LAPTM5: variants seen among roughly 807,000 people sequenced by gnomAD.
LAPTM5 encodes lysosomal-associated transmembrane protein 5.
Under a neutral mutation model 30.1 loss-of-function variants are expected in LAPTM5, and 11 were observed. The observed-to-expected ratio is 0.37, with a 90% CI of 0.23 to 0.60. LAPTM5 has a LOEUF of 0.60. Ranked by LOEUF, LAPTM5 falls within the 20% of genes least tolerant of loss-of-function variation. LAPTM5 has a pLI of 0.71. For missense variants in LAPTM5, 324 were observed against 332.5 expected (o/e 0.97, Z 0.20); for synonymous variants, 151 against 137.9 (o/e 1.10, Z -0.67).
chr1:30,747,687 G>T (rs957379761), intron 1 of LAPTM5, among the ~76,000 whole-genome samples: 1 of 152,182 alleles, frequency 6.6e-6, no homozygotes, highest in African/African-American at 2.4e-5. Context: ...AAGAATGGGG[G>T]CAGGGGCTGG....
Position 30,733,677 on chromosome 1 carries a change from GAGGAGC to G in LAPTM5, c.*145_*150del, listed in dbSNP as rs1447099461. On this transcript the variant is annotated 3_prime_UTR_variant, in exon 8 of 8. Coordinates refer to ENST00000294507, the MANE Select transcript of LAPTM5 (RefSeq NM_006762.3). ...TGTGAGCAGCTCACAGGCCCTGCAG[GAGGAGC>G]AGGCCAGCGAGGGAGACACAAGCAG... 5 of 1,534,136 alleles carry G rather than the reference GAGGAGC, an allele frequency of 3.3e-6. No homozygotes were observed. Among genetic ancestry groups the G allele is most frequent in the African/African-American group, 2.7e-5 (2 of 73,024 alleles).
At chr1:30,735,786 G>C (rs1355900701) in intron 6 of LAPTM5, among the ~76,000 whole-genome samples, 1 of 152,174 alleles carries the variant, frequency 6.6e-6, no homozygotes, top group African/African-American at 2.4e-5. Context: ...TTCCAGAGTG[G>C]GGCATACAAT....
intron 7 of LAPTM5, 29 bp downstream of exon 7, chr1:30,735,144 G>C (rs772252143): frequency 1.3e-6 from 2 of 1,547,854 alleles, no homozygotes; most frequent in East Asian, 2.2e-5. Context: ...TTAGTGACAG[G>C]GCTGGCACCC....
intron 1 of LAPTM5, among the ~76,000 whole-genome samples, chr1:30,747,255 T>G (rs1167915670): frequency 4.5e-4 from 68 of 152,252 alleles, no homozygotes; most frequent in Non-Finnish European, 7.4e-5. Context: ...ACAGGCCTGG[T>G]GGTGCAGGTG....
At position 30,742,447 on chromosome 1, in the gene LAPTM5, T is replaced by C; in HGVS notation, c.181+9A>G. On this transcript the variant is annotated intron_variant, in intron 2 of 7. Transcript: ENST00000294507. ...CCCCCGCCACTCCACCGGCGTCCCCTGGACCTACCGATCCTGAGGTAGCCC... is the reference window on the plus strand; with the variant it reads ...CCCCCGCCACTCCACCGGCGTCCCCCGGACCTACCGATCCTGAGGTAGCCC... 1 of 1,608,288 alleles carries C rather than the reference T, an allele frequency of 6.2e-7. No homozygotes were observed. The highest frequency in any genetic ancestry group is 8.5e-7 in the Non-Finnish European group (1 of 1,176,094).
At chr1:30,741,006 C>T (rs192875266) in intron 3 of LAPTM5, among the ~76,000 whole-genome samples, 5 of 152,318 alleles carry the variant, frequency 3.3e-5, no homozygotes, top group Admixed American at 1.3e-4. Flanking sequence ...CCAGGGACCG[C>T]GGGTTCCTCT....
chr1:30,739,945 G>T lies in LAPTM5; in HGVS notation c.259-8C>A, dbSNP rs773246740. 12 of 1,586,552 alleles carry T rather than the reference G, an allele frequency of 7.6e-6. No individual in the cohort carries two copies. The highest frequency in any genetic ancestry group is 1.0e-5 in the Non-Finnish European group (12 of 1,164,134). ...CAGGTACTTCTCCCGGTTCTGAAAG[G>T]TAGGCCCAGCACCGTCAAGTGTCCC... On this transcript the variant is annotated splice_region_variant and splice_polypyrimidine_tract_variant and intron_variant, in intron 3 of 7. Coordinates refer to ENST00000294507, the MANE Select transcript of LAPTM5 (RefSeq NM_006762.3). This position sits in a 1 kb window ranked among gnomAD's most constrained non-coding sequence, Gnocchi z 4.2.
intron 6 of LAPTM5, among the ~76,000 whole-genome samples, chr1:30,736,415 C>G (rs1443813311): frequency 6.6e-6 from 1 of 152,004 alleles, no homozygotes; most frequent in Non-Finnish European, 1.5e-5. Flanking sequence ...CTTCTTTCTA[C>G]TTATCTGTAG....
chr1:30,742,198 T>C, intron 2 of LAPTM5: 1 of 546,248 alleles, frequency 1.8e-6, no homozygotes, highest in South Asian at 2.1e-5. Context: ...AGTGAGGCTA[T>C]CACCTTTACC....
In LAPTM5 at chr1:30,733,722, G is replaced by C. The variant is rs750114612; in HGVS notation, c.*106C>G. 4.6e-6 allele frequency: 7 copies of C among 1,531,090 alleles called. No individual in the cohort carries two copies. The highest frequency in any genetic ancestry group is 6.1e-6 in the Non-Finnish European group (7 of 1,143,364). 94.8% of individuals were successfully genotyped at this position (1,531,090 alleles called of 1,614,324 possible). A position where few individuals can be genotyped will look rare whatever the true frequency, so the allele number is the denominator to read the frequency against. On this transcript the variant is annotated 3_prime_UTR_variant, in exon 8 of 8. Coordinates refer to ENST00000294507, the MANE Select transcript of LAPTM5 (RefSeq NM_006762.3). ...AGACACAAGCAGATTGTCCTGCCAG[G>C]GAGGGGCGGGAGGGCCCACCCAGGC...
intron 1 of LAPTM5, among the ~76,000 whole-genome samples, chr1:30,753,498 G>A (rs548757716): frequency 6.6e-5 from 10 of 152,286 alleles, no homozygotes; most frequent in African/African-American, 2.4e-4. Flanking sequence ...CATCATCTCT[G>A]TGGTCTTCCT....
intron 1 of LAPTM5, among the ~76,000 whole-genome samples, chr1:30,748,850 G>A (rs1344712185): frequency 1.3e-5 from 2 of 152,232 alleles, no homozygotes; most frequent in African/African-American, 4.8e-5. Flanking sequence ...GAGAACCCCA[G>A]TGCAGCCGCT....
intron 1 of LAPTM5, among the ~76,000 whole-genome samples, chr1:30,743,218 C>T (rs1328118832): frequency 1.3e-5 from 2 of 152,212 alleles, no homozygotes; most frequent in Non-Finnish European, 2.9e-5. Flanking sequence ...GTGCTGTTAT[C>T]CATTATCCCC....
intron 6 of LAPTM5, 135 bp from the exon 7 acceptor site, chr1:30,735,400 C>G: frequency 1.4e-6 from 1 of 712,016 alleles, no homozygotes; most frequent in South Asian, 1.6e-5. Flanking sequence ...TCGGACCTCT[C>G]ATTCTGGTTG....
Position 30,739,814 on chromosome 1 carries a change from G to A in LAPTM5, c.382C>T (p.Arg128Cys), listed in dbSNP as rs747955844. ...PAYLKLASRS[R>C]ASSSKFPLMT... ...GGTGGGGGCTGGGTACTCACAGCAC[G>A]GCTCCGGGAGGCCAACTTGAGGTAG... The change falls in exon 4 of 8, where the codon CGT (arginine) becomes TGT (cysteine). Residue 128 changes from arginine (R) to cysteine (C), a missense_variant. By Grantham distance (180) the Arg-to-Cys change is radical. Transcript: ENST00000294507. This position sits in a 1 kb window ranked among gnomAD's most constrained non-coding sequence, Gnocchi z 4.2. 8.1e-6 allele frequency: 13 copies of A among 1,601,132 alleles called. No individual in the cohort carries two copies. The highest frequency in any genetic ancestry group is 3.4e-5 in the Admixed American group (2 of 58,254).
At chr1:30,757,015 C>A (rs1362174142) in intron 1 of LAPTM5, among the ~76,000 whole-genome samples, 3 of 152,226 alleles carry the variant, frequency 2.0e-5, no homozygotes, top group Non-Finnish European at 4.4e-5. Flanking sequence ...TCACAAGTTG[C>A]CCAACAAGAG....
intron 1 of LAPTM5, among the ~76,000 whole-genome samples, chr1:30,743,801 T>TG (rs1640005488): frequency 6.8e-6 from 1 of 146,150 alleles, no homozygotes; most frequent in African/African-American, 2.6e-5. Context: ...GTGGGTTTTT[T>TG]TTTTTTTTTT....
At chr1:30,751,039 A>G (rs1012733005) in intron 1 of LAPTM5, among the ~76,000 whole-genome samples, 1 of 152,266 alleles carries the variant, frequency 6.6e-6, no homozygotes, top group African/African-American at 2.4e-5. Flanking sequence ...TCCTGGTTCC[A>G]GGCTGATGCT....
Position 30,741,643 on chromosome 1 carries a change from G to T in LAPTM5, c.255C>A (p.Val85=). ...AGCGGGGCTCCTGAGCCCTCACCTT[G>T]ACTACGCCGATCAGTAGGCTCAGGC... is the stretch of plus-strand genomic sequence containing the variant. ...IISLSLLIGV[V]KNREKYLLPF... The change falls in exon 3 of 8, where the codon GTC becomes GTA. Residue 85 remains valine, a synonymous_variant. Transcript: ENST00000294507. 1 of 1,599,412 alleles carries T rather than the reference G, an allele frequency of 6.3e-7. No homozygotes were observed. Among genetic ancestry groups the T allele is most frequent in the South Asian group, 1.1e-5 (1 of 88,484 alleles).
Sources: allele counts gnomAD v4.1 joint callset (sites outside exome capture counted in the v4.1 genomes callset), GRCh38; gene constraint gnomAD v4.1.1; non-coding constraint Gnocchi (gnomAD v3.1); transcripts MANE v1.5; gene names NCBI Gene and HGNC (gene_info 2026-07-23, HGNC 2026-07-21).